ELAC2: variants seen among roughly 807,000 people sequenced by gnomAD.
The protein encoded by ELAC2 is elaC ribonuclease Z 2.
In ELAC2, 92 loss-of-function variants were observed where a neutral mutation model predicts 105.2. The ratio of observed to expected loss-of-function variants is 0.87; its 90% CI spans 0.74 to 1.04. ELAC2 has a LOEUF of 1.04. Among genes scored for constraint, ELAC2 ranks in the 50% least tolerant of loss-of-function variants. The pLI is 0.00. For synonymous variants in ELAC2, 468 were observed against 409.1 expected, an observed-to-expected ratio of 1.14 and a Z score of -1.74; for missense variants, 1,099 against 1,071.7, an observed-to-expected ratio of 1.03 and a Z score of -0.36.
In ELAC2 at chr17:12,994,560, C is replaced by T; in HGVS notation, c.2030-57G>A. On this transcript the variant is annotated intron_variant, in intron 21 of 23. Coordinates refer to ENST00000338034, the MANE Select transcript of ELAC2 (RefSeq NM_018127.7). The stretch of plus-strand genomic sequence containing the variant: ...TTCTCTGCGAGAGCGGCACACAGGC[C>T]TCAGTCACGTGCTGTTTCCTGGTCT... 5 of 1,607,370 alleles carry T rather than the reference C, an allele frequency of 3.1e-6. No individual in the cohort carries two copies. The South Asian group carries it at 3.3e-5, about 11-fold the overall frequency.
intron 11 of ELAC2, among the ~76,000 whole-genome samples, chr17:13,004,463 G>C (rs777477422): frequency 2.0e-5 from 3 of 152,214 alleles, no homozygotes; most frequent in African/African-American, 4.8e-5. Context: ...GGTCAAAGAT[G>C]ATTCCATCTG....
intron 16 of ELAC2, among the ~76,000 whole-genome samples, 197 bp from the exon 17 acceptor site, chr17:12,996,882 A>G (rs2040504193): frequency 6.6e-6 from 1 of 152,142 alleles, no homozygotes; most frequent in Non-Finnish European, 1.5e-5. Flanking sequence ...TCTTTATAGC[A>G]AAGAAGTATC....
intron 3 of ELAC2, among the ~76,000 whole-genome samples, chr17:13,016,228 C>G (rs114228643): frequency 6.6e-6 from 1 of 152,240 alleles, no homozygotes; most frequent in African/African-American, 2.4e-5. Context: ...CAATCCTGAC[C>G]TTCCGGTTGA....
Position 12,995,025 on chromosome 17 carries a change from TCTC to T in ELAC2, c.1843_1845del (p.Glu615del), listed in dbSNP as rs1300525097. 6.2e-7 allele frequency: 1 copy of T among 1,614,198 alleles called. No individual in the cohort carries two copies. Among genetic ancestry groups the T allele is most frequent in the Non-Finnish European group, 8.5e-7 (1 of 1,180,050 alleles). ...AATCTTTCCACTGCAGGACTGGAGA[TCTC>T]AGCCCCTTCCTGAAGGCATTTGGCA... is the stretch of plus-strand genomic sequence containing the variant. On this transcript the variant is annotated inframe_deletion, in exon 20 of 24. Transcript: ENST00000338034.
chr17:13,002,782 AG>A, intron 12 of ELAC2: 1 of 777,448 alleles, frequency 1.3e-6, no homozygotes, highest in Non-Finnish European at 2.1e-6. Flanking sequence ...GCTGCCTTTC[AG>A]GTGTGCTGGG....
chr17:13,010,731 G>T, intron 7 of ELAC2, 60 bp from the exon 8 acceptor site: 2 of 1,433,684 alleles, frequency 1.4e-6, no homozygotes, highest in Non-Finnish European at 2.0e-6. Flanking sequence ...AGACATCACA[G>T]ACTGATTATG....
intron 15 of ELAC2, among the ~76,000 whole-genome samples, chr17:12,999,436 G>A (rs968682746): frequency 6.6e-6 from 1 of 152,236 alleles, no homozygotes; most frequent in African/African-American, 2.4e-5. Flanking sequence ...AGACCCGATG[G>A]TTCCAAAGCC....
intron 22 of ELAC2, 26 bp downstream of exon 22, chr17:12,994,399 G>C: frequency 6.2e-7 from 1 of 1,613,584 alleles, no homozygotes; most frequent in Non-Finnish European, 8.5e-7. Flanking sequence ...GGATGTGGGC[G>C]ACAAGGACTG....
At position 12,992,284 on chromosome 17, in the gene ELAC2, C is replaced by T. The variant is rs1291322513; in HGVS notation, c.*534G>A. On this transcript the variant is annotated 3_prime_UTR_variant, in exon 24 of 24. Coordinates refer to ENST00000338034, the MANE Select transcript of ELAC2 (RefSeq NM_018127.7). The stretch of plus-strand genomic sequence containing the variant: ...GGGAGCTGACTTCTTCCAAGCCACC[C>T]GGGTACCAGGCAGCTGCCACACTAC... 3 of 241,516 alleles carry T rather than the reference C, an allele frequency of 1.2e-5. No homozygotes were observed. The highest frequency in any genetic ancestry group is 4.4e-5 in the African/African-American group (2 of 45,414). The allele number at this position is 241,516 out of a possible 1,614,324, so 15.0% of individuals were successfully genotyped here. A position where few individuals can be genotyped will look rare whatever the true frequency, so the allele number is the denominator to read the frequency against.
intron 12 of ELAC2, 149 bp downstream of exon 12, chr17:13,003,330 C>A: frequency 1.3e-6 from 1 of 775,564 alleles, no homozygotes; most frequent in Non-Finnish European, 2.3e-6. Flanking sequence ...ATCTGGGAAG[C>A]CTAGAATTCT....
rs1472875261 is a variant in ELAC2, at chr17:12,994,746, G to C, written c.2029+18C>G. 1.9e-6 allele frequency: 3 copies of C among 1,613,618 alleles called. No homozygotes were observed. The highest frequency in any genetic ancestry group is 1.7e-6 in the Non-Finnish European group (2 of 1,180,042). ...CCCCAGAGCAACCTCAGGGTGGCTT[G>C]CTTCTTCCTCTACTCACCCATCCGG... is the stretch of plus-strand genomic sequence containing the variant. On this transcript the variant is annotated intron_variant, in intron 21 of 23. Transcript: ENST00000338034.
chr17:13,017,950 G>A lies in ELAC2; in HGVS notation c.-3C>T, dbSNP rs897420740. ...AGCAGCGAGCAAAGCGCCCACATGC[G>A]CCCGTCTCCACCAAAACTGAGAAAG... On this transcript the variant is annotated 5_prime_UTR_variant, in exon 1 of 24. Coordinates refer to ENST00000338034, the MANE Select transcript of ELAC2 (RefSeq NM_018127.7). 2.0e-6 allele frequency: 3 copies of A among 1,536,310 alleles called. No homozygotes were observed. The highest frequency in any genetic ancestry group is 1.4e-5 in the African/African-American group (1 of 72,944).
At chr17:13,010,565 C>T in intron 8 of ELAC2, 48 bp downstream of exon 8, 1 of 1,577,868 alleles carries the variant, frequency 6.3e-7, no homozygotes, top group Non-Finnish European at 8.7e-7. Flanking sequence ...CCAGAGGTCG[C>T]TGACCAAGAC....
rs190562664 is a variant in ELAC2, at chr17:12,994,412, C to T, written c.2108+13G>A. 20 of 1,614,090 alleles carry T rather than the reference C, an allele frequency of 1.2e-5. No homozygotes were observed. The highest frequency in any genetic ancestry group is 6.7e-5 in the East Asian group (3 of 44,866). ...GAGGATGTGGGCGACAAGGACTGACCGGCCTTTGCTACCTGTGTGTCTTTT... is the reference window on the plus strand; with the variant it reads ...GAGGATGTGGGCGACAAGGACTGACTGGCCTTTGCTACCTGTGTGTCTTTT... On this transcript the variant is annotated intron_variant, in intron 22 of 23. Coordinates refer to ENST00000338034, the MANE Select transcript of ELAC2 (RefSeq NM_018127.7).
chr17:13,012,938 T>G (rs1440573287), intron 6 of ELAC2, among the ~76,000 whole-genome samples: 1 of 152,166 alleles, frequency 6.6e-6, no homozygotes, highest in Non-Finnish European at 1.5e-5. Flanking sequence ...AAGCAATGAA[T>G]GTGCAAACTT....
chr17:12,996,411 C>A (rs1356468066), intron 17 of ELAC2, 136 bp downstream of exon 17: 11 of 1,375,622 alleles, frequency 8.0e-6, no homozygotes, highest in East Asian at 2.3e-5. Context: ...TTGCAAAAAA[C>A]CATTTCCTAG....
rs759303705 is a variant in ELAC2 at position 13,013,168 on chromosome 17, G to A, written c.559+39C>T. On this transcript the variant is annotated intron_variant, in intron 6 of 23. Coordinates refer to ENST00000338034, the MANE Select transcript of ELAC2 (RefSeq NM_018127.7). ...CATCCATGTTTTCTTTACTCAGGACGTACACCCTCCTCCTGGGAAACCTGG... is the reference window on the plus strand; with the variant it reads ...CATCCATGTTTTCTTTACTCAGGACATACACCCTCCTCCTGGGAAACCTGG... 1.5e-5 allele frequency: 24 copies of A among 1,608,260 alleles called. No individual in the cohort carries two copies. In the East Asian group the frequency reaches 2.7e-4, roughly 18 times the overall value.
At chr17:12,999,404 G>A (rs1356056561) in intron 15 of ELAC2, among the ~76,000 whole-genome samples, 1 of 152,224 alleles carries the variant, frequency 6.6e-6, no homozygotes, top group Non-Finnish European at 1.5e-5. Flanking sequence ...GTAAGAGGCA[G>A]GGTCAGGATT....
intron 14 of ELAC2, chr17:13,000,509 C>T (rs188001453): frequency 1.5e-5 from 8 of 550,430 alleles, no homozygotes; most frequent in East Asian, 6.7e-5. Context: ...CAGGGCAAGA[C>T]AGTTTTTTTC....
Sources: allele counts gnomAD v4.1 joint callset (sites outside exome capture counted in the v4.1 genomes callset), GRCh38; gene constraint gnomAD v4.1.1; transcripts MANE v1.5; gene names NCBI Gene and HGNC (gene_info 2026-07-23, HGNC 2026-07-21).